The following RIMBP2 variants were observed in gnomAD, a reference collection of about 807,000 sequenced individuals.
RIMBP2 encodes RIMS-binding protein 2.
RIMBP2 carries 48 observed loss-of-function variants against 118.6 expected under a neutral mutation model. That is an observed-to-expected ratio of 0.40 (90% CI 0.32 to 0.51). The LOEUF is 0.51. Among genes scored for constraint, RIMBP2 ranks in the 20% least tolerant of loss-of-function variants. The pLI is 0.41. For missense variants in RIMBP2, 1,551 were observed against 1,768.3 expected (o/e 0.88, Z 2.20); for synonymous variants, 762 against 742.9 (o/e 1.03, Z -0.42).
chr12:130,699,486 C>T (rs2065736605), intron 1 of RIMBP2, among the ~76,000 whole-genome samples: 1 of 149,720 alleles, frequency 6.7e-6, no homozygotes, highest in African/African-American at 2.5e-5. Context: ...GGACAAAAAA[C>T]CAAACGCCGC....
chr12:130,646,440 T>TCACCAC (rs1305504375), intron 1 of RIMBP2, among the ~76,000 whole-genome samples: 1 of 111,080 alleles, frequency 9.0e-6, no homozygotes, highest in African/African-American at 2.9e-5. Flanking sequence ...TCCACCTCCC[T>TCACCAC]TGCCACCTCC....
intron 6 of RIMBP2, among the ~76,000 whole-genome samples, chr12:130,460,322 C>T (rs980565391): frequency 2.6e-5 from 4 of 152,142 alleles, no homozygotes; most frequent in Admixed American, 6.5e-5. Context: ...AGCAAAGCGG[C>T]GCTCGCAGGA....
chr12:130,646,445 A>ACCTCCCTCACCACCTCCCTCACCG lies in RIMBP2; in HGVS notation c.-351-17990_-351-17989insCGGTGAGGGAGGTGGTGAGGGAGG, dbSNP rs1555317675. ...CACTTCCCTCTCCACCTCCCTTGCC[A>ACCTCCCTCACCACCTCCCTCACCG]CCTCCCTCGCCACCTCCCTCGCTAC... is the stretch of plus-strand genomic sequence containing the variant. On this transcript the variant is annotated intron_variant, in intron 1 of 22. Coordinates refer to ENST00000690449, the MANE Select transcript of RIMBP2 (RefSeq NM_001393629.1). 2.0e-3 allele frequency among the ~76,000 whole-genome samples: 110 copies of ACCTCCCTCACCACCTCCCTCACCG among 56,184 alleles called. 36 individuals are homozygous for ACCTCCCTCACCACCTCCCTCACCG. Among genetic ancestry groups the ACCTCCCTCACCACCTCCCTCACCG allele is most frequent in the East Asian group, 5.6e-3 (10 of 1,788 alleles). The allele number at this position is 56,184 out of a possible 152,430, so 36.9% of individuals were successfully genotyped here.
chr12:130,611,391 C>T (rs2060538751), intron 2 of RIMBP2, among the ~76,000 whole-genome samples: 1 of 152,240 alleles, frequency 6.6e-6, no homozygotes, highest in South Asian at 2.1e-4. Flanking sequence ...CAATACGTTG[C>T]AGGATATTGG....
At position 130,469,439 on chromosome 12, in the gene RIMBP2, A is replaced by C. The variant is rs561714379; in HGVS notation, c.153+1254T>G. On this transcript the variant is annotated intron_variant, in intron 6 of 22. Transcript: ENST00000690449. This position sits in a 1 kb window ranked among gnomAD's most constrained non-coding sequence, Gnocchi z 4.8. ...GGGAGAGGCAACTACCTTTTCTGCC[A>C]GGAGACGATGCAAATTAAAGTGCGG... is the stretch of plus-strand genomic sequence containing the variant. Among the ~76,000 whole-genome samples the C allele has an allele frequency of 6.6e-6, 1 of 152,278 alleles. No homozygotes were observed. Among genetic ancestry groups the C allele is most frequent in the African/African-American group, 2.4e-5 (1 of 41,564 alleles).
intron 1 of RIMBP2, among the ~76,000 whole-genome samples, chr12:130,694,157 G>A (rs757267524): frequency 3.7e-4 from 56 of 152,216 alleles, no homozygotes; most frequent in Non-Finnish European, 7.5e-4. Flanking sequence ...TGCCAGCTGT[G>A]TGCAGGCCCC....
At chr12:130,455,521 G>A (rs1490604916) in intron 7 of RIMBP2, among the ~76,000 whole-genome samples, 3 of 152,228 alleles carry the variant, frequency 2.0e-5, no homozygotes, top group African/African-American at 7.2e-5. Context: ...CCACAGCCAC[G>A]ACCACTTACC....
At chr12:130,457,077 T>C (rs1426518445) in intron 6 of RIMBP2, among the ~76,000 whole-genome samples, 2 of 152,110 alleles carry the variant, frequency 1.3e-5, no homozygotes, top group East Asian at 3.9e-4. Context: ...GCCCGGGCAC[T>C]TTGCAGTTGG....
At chr12:130,443,394 GAA>G (rs1368344323) in intron 10 of RIMBP2, among the ~76,000 whole-genome samples, 2 of 152,314 alleles carry the variant, frequency 1.3e-5, no homozygotes, top group South Asian at 4.1e-4. Context: ...AGAAAACGGA[GAA>G]GTGTTCAGAG....
chr12:130,605,008 A>G (rs980705238), intron 2 of RIMBP2, among the ~76,000 whole-genome samples: 1 of 152,072 alleles, frequency 6.6e-6, no homozygotes, highest in Non-Finnish European at 1.5e-5. Context: ...CACATCCTGC[A>G]CAGGTGTGTA....
intron 1 of RIMBP2, among the ~76,000 whole-genome samples, chr12:130,682,938 T>C (rs150834833): frequency 3.0e-4 from 46 of 152,342 alleles, no homozygotes; most frequent in African/African-American, 1.1e-3. Context: ...CCCAAAAAGA[T>C]TTTTATAAGT....
intron 1 of RIMBP2, chr12:130,667,193 AGGAGTGAGGGAG>A (rs1393542719): frequency 6.3e-5 from 8 of 127,554 alleles, no homozygotes; most frequent in African/African-American, 1.5e-4. Context: ...GGAGGAGGCA[AGGAGTGAGGGAG>A]GGAGTGAGGG....
At chr12:130,668,524 G>A (rs77527155) in intron 1 of RIMBP2, 4,632 of 152,486 alleles carry the variant, frequency 0.03, 105 homozygotes, top group East Asian at 0.062. Flanking sequence ...AGATCCTGGG[G>A]TCCAGGTCCA....
At chr12:130,605,236 A>T (rs1032246458) in intron 2 of RIMBP2, among the ~76,000 whole-genome samples, 1 of 152,184 alleles carries the variant, frequency 6.6e-6, no homozygotes, top group Non-Finnish European at 1.5e-5. Context: ...CTGGGAGTGG[A>T]GGGTGGGTAG....
At chr12:130,441,069 C>T (rs772312247) in intron 11 of RIMBP2, among the ~76,000 whole-genome samples, 7 of 152,118 alleles carry the variant, frequency 4.6e-5, no homozygotes, top group Admixed American at 6.5e-5. Context: ...GTTCACATCG[C>T]GGCGAAAATA....
At position 130,649,030 on chromosome 12, in the gene RIMBP2, T is replaced by C. The variant is rs1215833769; in HGVS notation, c.-351-20574A>G. ...GAACACCATTTTCATGTGGATTCCA[T>C]GATCCTCAATGACCTCCTGACTCAG... is the stretch of plus-strand genomic sequence containing the variant. On this transcript the variant is annotated intron_variant, in intron 1 of 22. Transcript: ENST00000690449. Among the ~76,000 whole-genome samples, 8 of 145,670 alleles carry C rather than the reference T, an allele frequency of 5.5e-5. No individual in the cohort carries two copies. In the Admixed American group the frequency reaches 5.5e-4, roughly 10 times the overall value.
intron 5 of RIMBP2, among the ~76,000 whole-genome samples, chr12:130,471,228 G>A (rs1178794400): frequency 3.3e-5 from 5 of 152,302 alleles, no homozygotes; most frequent in Admixed American, 6.5e-5. Context: ...AAGCACTGGC[G>A]GCAAAGCCAT....
chr12:130,619,947 G>A (rs181797369), intron 2 of RIMBP2, among the ~76,000 whole-genome samples: 163 of 152,292 alleles, frequency 1.1e-3, no homozygotes, highest in Non-Finnish European at 1.8e-3. Flanking sequence ...GGTGCTCTGT[G>A]CCAGGAAGAC....
chr12:130,473,217 A>G (rs61935950), intron 5 of RIMBP2, among the ~76,000 whole-genome samples: 10,882 of 152,328 alleles, frequency 0.071, 516 homozygotes, highest in Middle Eastern at 0.13. Context: ...TGAAATTGGC[A>G]GCGCTGAATT....
Sources: gnomAD v4.1 joint callset for allele counts (sites outside exome capture counted in the v4.1 genomes callset) on GRCh38, gnomAD v4.1.1 for gene constraint, Gnocchi (gnomAD v3.1) non-coding constraint, MANE v1.5 for transcripts, NCBI Gene and HGNC (gene_info 2026-07-23, HGNC 2026-07-21) for gene names.